Variants in FRMD6 observed in about 807,000 individuals in gnomAD.
FRMD6 encodes the protein FERM domain-containing protein 6.
In FRMD6, 37 loss-of-function variants were observed where a neutral mutation model predicts 73.2. The observed-to-expected ratio is 0.51, with a 90% CI of 0.39 to 0.66. The LOEUF (loss-of-function observed/expected upper bound fraction) is 0.66. FRMD6 is among the 30% of genes least tolerant of loss of function. The pLI, the probability that FRMD6 is intolerant of heterozygous loss-of-function variation, is 0.00. For missense variants in FRMD6, 714 were observed against 780.5 expected (o/e 0.91, Z 1.02); for synonymous variants, 273 against 282.2 (o/e 0.97, Z 0.33).
intron 8 of FRMD6, among the ~76,000 whole-genome samples, chr14:51,712,041 G>A (rs1896972866): frequency 6.6e-6 from 1 of 152,126 alleles, no homozygotes; most frequent in Admixed American, 6.6e-5. Context: ...TAAATAAGTA[G>A]AAACTGTCAC....
At chr14:51,655,667 A>G (rs1436530569) in intron 1 of FRMD6, among the ~76,000 whole-genome samples, 1 of 152,342 alleles carries the variant, frequency 6.6e-6, no homozygotes, top group African/African-American at 2.4e-5. Flanking sequence ...TATTTAAAAC[A>G]AGGCTGAAGT....
chr14:51,459,882 C>CTTTTTTTTTTTTTTTTTTTTTTTT, the FRMD6 span, among the ~76,000 whole-genome samples: 2 of 23,424 alleles, frequency 8.5e-5, no homozygotes, highest in African/African-American at 4.4e-4. Context: ...ATTACTGACT[C>CTTTTTTTTTTTTTTTTTTTTTTTT]TCTTTTTTTT....
intron 2 of FRMD6, among the ~76,000 whole-genome samples, chr14:51,579,800 G>A (rs1178236462): frequency 1.3e-5 from 2 of 151,918 alleles, no homozygotes; most frequent in African/African-American, 4.8e-5. Flanking sequence ...TGATTTCCAG[G>A]TCCTCTTCAA....
the FRMD6 span, among the ~76,000 whole-genome samples, chr14:51,400,866 A>C: frequency 2.0e-4 from 31 of 152,294 alleles, no homozygotes; most frequent in African/African-American, 6.7e-4. Flanking sequence ...CTTCTACTAC[A>C]CAGTAATTTA....
At chr14:51,478,979 C>G in the FRMD6 span, among the ~76,000 whole-genome samples, 3 of 152,032 alleles carry the variant, frequency 2.0e-5, no homozygotes, top group Non-Finnish European at 4.4e-5. Context: ...ATATTTGGTT[C>G]CTTGGGAAAA....
At chr14:51,447,321 A>C in the FRMD6 span, among the ~76,000 whole-genome samples, 1 of 152,130 alleles carries the variant, frequency 6.6e-6, no homozygotes, top group Non-Finnish European at 1.5e-5. Context: ...TGAATTCTGG[A>C]AGAGCTTTAT....
chr14:51,661,614 C>G (rs1742801628), intron 1 of FRMD6, among the ~76,000 whole-genome samples: 1 of 152,050 alleles, frequency 6.6e-6, no homozygotes, highest in Non-Finnish European at 1.5e-5. Flanking sequence ...TCCTTGTAGT[C>G]AAAGAAAATA....
chr14:51,674,400 GAGTA>G (rs1894239162), intron 1 of FRMD6, among the ~76,000 whole-genome samples: 1 of 152,142 alleles, frequency 6.6e-6, no homozygotes, highest in Admixed American at 6.5e-5. Flanking sequence ...AGGATTGAGC[GAGTA>G]AGTGAGCCAT....
chr14:51,518,517 G>T (rs975515431), intron 1 of FRMD6, among the ~76,000 whole-genome samples: 10 of 152,190 alleles, frequency 6.6e-5, no homozygotes, highest in Non-Finnish European at 8.8e-5. Context: ...TCTCCCAGGG[G>T]TGTTATAAGG....
intron 2 of FRMD6, among the ~76,000 whole-genome samples, chr14:51,587,499 C>T (rs900846422): frequency 3.9e-5 from 6 of 152,128 alleles, no homozygotes; most frequent in Admixed American, 1.3e-4. Flanking sequence ...GTTAAACTTT[C>T]GTTTATTATT....
the FRMD6 span, among the ~76,000 whole-genome samples, chr14:51,483,411 G>A: frequency 6.6e-6 from 1 of 152,204 alleles, no homozygotes; most frequent in African/African-American, 2.4e-5. Context: ...AAAAATGAAT[G>A]GGGGATGGTG....
At chr14:51,398,860 C>T in the FRMD6 span, among the ~76,000 whole-genome samples, 1 of 152,198 alleles carries the variant, frequency 6.6e-6, no homozygotes, top group South Asian at 2.1e-4. Flanking sequence ...AAGAGAGTGC[C>T]CCAAACCTAG....
chr14:51,641,890 C>A (rs1891827582), intron 2 of FRMD6, among the ~76,000 whole-genome samples: 1 of 151,250 alleles, frequency 6.6e-6, no homozygotes, highest in Non-Finnish European at 1.5e-5. Flanking sequence ...ACCAAAAATA[C>A]CTCCAGACAT....
At chr14:51,676,497 G>A (rs1894399567) in intron 1 of FRMD6, among the ~76,000 whole-genome samples, 1 of 152,296 alleles carries the variant, frequency 6.6e-6, no homozygotes, top group African/African-American at 2.4e-5. Context: ...GTTAAACTCT[G>A]CATAGGATCC....
chr14:51,576,588 G>C (rs1245964461), intron 2 of FRMD6, among the ~76,000 whole-genome samples: 1 of 151,996 alleles, frequency 6.6e-6, no homozygotes, highest in Non-Finnish European at 1.5e-5. Flanking sequence ...CCCATGAGTG[G>C]ATATCACCTT....
chr14:51,502,542 C>A (rs533793906), intron 1 of FRMD6, among the ~76,000 whole-genome samples: 1 of 151,988 alleles, frequency 6.6e-6, no homozygotes, highest in South Asian at 2.1e-4. Flanking sequence ...GTTCTCTATT[C>A]GTTCCATTGG....
intron 1 of FRMD6, among the ~76,000 whole-genome samples, chr14:51,677,052 T>G (rs1894438390): frequency 6.6e-6 from 1 of 152,196 alleles, no homozygotes; most frequent in Non-Finnish European, 1.5e-5. Context: ...AGATTCGCAC[T>G]TGTTAATGTG....
At chr14:51,544,028 G>T (rs892215229) in intron 1 of FRMD6, among the ~76,000 whole-genome samples, 1 of 151,878 alleles carries the variant, frequency 6.6e-6, no homozygotes, top group Non-Finnish European at 1.5e-5. Flanking sequence ...ATTCTTTCAT[G>T]TACCATCAGC....
chr14:51,631,431 G>A (rs1046187778), intron 2 of FRMD6, among the ~76,000 whole-genome samples: 1 of 152,092 alleles, frequency 6.6e-6, no homozygotes, highest in South Asian at 2.1e-4. Context: ...TATGGTCATC[G>A]AAAGAGGAAA....
Sources: allele counts gnomAD v4.1 joint callset (sites outside exome capture counted in the v4.1 genomes callset), GRCh38; gene constraint gnomAD v4.1.1; transcripts MANE v1.5; gene names NCBI Gene and HGNC (gene_info 2026-07-23, HGNC 2026-07-21).